The following NEDD1 variants were observed in gnomAD, a reference collection of about 807,000 sequenced individuals.
NEDD1 encodes NEDD1 gamma-tubulin ring complex targeting factor.
Under a neutral mutation model 74.0 loss-of-function variants are expected in NEDD1, and 33 were observed. That is an observed-to-expected ratio of 0.45 (90% CI 0.34 to 0.60). NEDD1 has a LOEUF of 0.60. Ranked by LOEUF, NEDD1 falls within the 20% of genes least tolerant of loss-of-function variation. The pLI is 0.01. For synonymous variants in NEDD1, 250 were observed against 264.4 expected, an observed-to-expected ratio of 0.95 and a Z score of 0.53; for missense variants, 746 against 776.5, an observed-to-expected ratio of 0.96 and a Z score of 0.47.
chr12:96,950,033 A>G (rs540222630), intron 14 of NEDD1, among the ~76,000 whole-genome samples: 100 of 152,180 alleles, frequency 6.6e-4, no homozygotes, highest in African/African-American at 1.9e-3. Flanking sequence ...TTATCACACA[A>G]TATCACAGAG....
chr12:96,937,058 G>A, intron 8 of NEDD1, 140 bp from the exon 9 acceptor site: 1 of 504,140 alleles, frequency 2.0e-6, no homozygotes, highest in Non-Finnish European at 3.3e-6. Context: ...TAATTTAGAG[G>A]GAAACTCAGG....
Position 96,907,314 on chromosome 12 carries a change from G to C in NEDD1, c.-262+14G>C. 5.8e-6 allele frequency: 2 copies of C among 344,616 alleles called. No individual in the cohort carries two copies. Among genetic ancestry groups the C allele is most frequent in the Non-Finnish European group, 1.0e-5 (2 of 192,902 alleles). The allele number at this position is 344,616 out of a possible 1,614,324, so 21.3% of individuals were successfully genotyped here. A position where few individuals can be genotyped will look rare whatever the true frequency, so the allele number is the denominator to read the frequency against. ...TGCTGCGGAGAGGTGAGGTTCCGGA[G>C]GCCCTGAGGTCAGCGGGCCCCCGCC... is the stretch of plus-strand genomic sequence containing the variant. On this transcript the variant is annotated intron_variant, in intron 1 of 15. Transcript: ENST00000266742.
rs1177185476 is a variant in NEDD1, at chr12:96,952,719, T to C, written c.*666T>C. 6.6e-6 allele frequency: 1 copy of C among 151,736 alleles called. No homozygotes were observed. The highest frequency in any genetic ancestry group is 1.5e-5 in the Non-Finnish European group (1 of 67,700). The allele number at this position is 151,736 out of a possible 1,614,324, so 9.4% of individuals were successfully genotyped here. A position where few individuals can be genotyped will look rare whatever the true frequency, so the allele number is the denominator to read the frequency against. On this transcript the variant is annotated 3_prime_UTR_variant, in exon 16 of 16. Transcript: ENST00000266742. ...GTGGTATTTTTAAGATATCTTTACC[T>C]ATAAAAAATGTTTAAGGTTCATAGG...
At chr12:96,933,284 C>G (rs1592905887) in intron 6 of NEDD1, among the ~76,000 whole-genome samples, 1 of 152,052 alleles carries the variant, frequency 6.6e-6, no homozygotes, top group African/African-American at 2.4e-5. Flanking sequence ...AAAAATTCTA[C>G]TTGTGTATTT....
rs900878304 is a variant in NEDD1 at position 96,945,583 on chromosome 12, A to T, written c.1655-110A>T. The stretch of plus-strand genomic sequence containing the variant: ...GAATTTTTCTAAATGTCACAGGAAC[A>T]CTCTTCTTTGCCAGTTTTTCAAGTT... On this transcript the variant is annotated intron_variant, in intron 13 of 15. Coordinates refer to ENST00000266742, the MANE Select transcript of NEDD1 (RefSeq NM_152905.4). The T allele has an allele frequency of 3.3e-4, 211 of 637,618 alleles. 1 individual carries two copies. The highest frequency in any genetic ancestry group is 2.6e-3 in the Middle Eastern group (7 of 2,652). 39.5% of individuals were successfully genotyped at this position (637,618 alleles called of 1,614,324 possible).
rs149524438 is a variant in NEDD1 at position 96,917,635 on chromosome 12, T to C, written c.246T>C (p.Cys82=). The C allele has an allele frequency of 3.1e-4, 472 of 1,512,822 alleles. 2 individuals are homozygous for C. In the African/African-American group the frequency reaches 5.9e-3, roughly 19 times the overall value. 93.7% of individuals were successfully genotyped at this position (1,512,822 alleles called of 1,614,324 possible). Residue 82 remains cysteine, a synonymous_variant, in exon 5 of 16, where the codon TGT becomes TGC. Coordinates refer to ENST00000266742, the MANE Select transcript of NEDD1 (RefSeq NM_152905.4). ...LELAEGQKQT[C]VNLNSTSMYL... is the part of the protein sequence containing the mutation. Reference sequence around the variant, plus strand: ...TTTTTAAATAGCAAAAGCAGACATGTGTCAATTTAAATTCTACATCTATGT... The same window carrying C: ...TTTTTAAATAGCAAAAGCAGACATGCGTCAATTTAAATTCTACATCTATGT...
At position 96,935,042 on chromosome 12, in the gene NEDD1, A is replaced by G; in HGVS notation, c.556A>G (p.Ile186Val). Residue 186 changes from isoleucine (I) to valine (V), a missense_variant, in exon 7 of 16, where the codon ATA (isoleucine) becomes GTA (valine). This residue lies in a region of NEDD1 where 706 missense variants were observed against 706.7 expected (regional missense o/e 1.00). Coordinates refer to ENST00000266742, the MANE Select transcript of NEDD1 (RefSeq NM_152905.4). Reference protein sequence around the residue: ...SLLGSVSDNGIVTLWDVNSQS... With the variant: ...SLLGSVSDNGVVTLWDVNSQS... The stretch of plus-strand genomic sequence containing the variant: ...ACTGGGCAGTGTTTCGGATAATGGA[A>G]TAGTAACTCTCTGGGATGTAAATAG... 1 of 1,612,582 alleles carries G rather than the reference A, an allele frequency of 6.2e-7. No homozygotes were observed. Among genetic ancestry groups the G allele is most frequent in the Non-Finnish European group, 8.5e-7 (1 of 1,178,580 alleles).
chr12:96,922,011 T>A (rs1390008261), intron 6 of NEDD1, among the ~76,000 whole-genome samples: 2 of 152,056 alleles, frequency 1.3e-5, no homozygotes, highest in Non-Finnish European at 2.9e-5. Flanking sequence ...TGAGAAAAGA[T>A]TGGAAAAGGG....
chr12:96,919,932 G>T, intron 5 of NEDD1, 53 bp from the exon 6 acceptor site: 1 of 1,254,432 alleles, frequency 8.0e-7, no homozygotes. Flanking sequence ...ACATGAAAAT[G>T]GGCTGTTCGA....
chr12:96,932,984 A>T (rs1045540129), intron 6 of NEDD1, among the ~76,000 whole-genome samples: 1 of 150,030 alleles, frequency 6.7e-6, no homozygotes, highest in African/African-American at 2.4e-5. Flanking sequence ...GGGAACATTT[A>T]TCATTATCTT....
In NEDD1 at chr12:96,951,321, A is replaced by C. The variant is rs149583688; in HGVS notation, c.1812-111A>C. On this transcript the variant is annotated intron_variant, in intron 14 of 15. Transcript: ENST00000266742. The stretch of plus-strand genomic sequence containing the variant: ...GCATTGGTATTTTTATTATTATAGT[A>C]ATTATTAACATTCAGTAATTTGGCA... 1,442 of 560,272 alleles carry C rather than the reference A, an allele frequency of 2.6e-3. 11 individuals are homozygous for C. Among genetic ancestry groups the C allele is most frequent in the Non-Finnish European group, 1.3e-3 (405 of 311,204 alleles). 34.7% of individuals were successfully genotyped at this position (560,272 alleles called of 1,614,324 possible).
At chr12:96,908,519 C>T (rs1455188955) in intron 2 of NEDD1, among the ~76,000 whole-genome samples, 4 of 152,144 alleles carry the variant, frequency 2.6e-5, no homozygotes, top group African/African-American at 9.7e-5. Flanking sequence ...CTACCTGTTG[C>T]TCTTTAAAGT....
At chr12:96,937,118 T>C (rs1462454013) in intron 8 of NEDD1, 80 bp from the exon 9 acceptor site, 1 of 784,892 alleles carries the variant, frequency 1.3e-6, no homozygotes, top group Non-Finnish European at 1.9e-6. Context: ...TTTTTTAATC[T>C]AACAGGGAAT....
At chr12:96,924,800 A>G (rs555936955) in intron 6 of NEDD1, 2 of 448,072 alleles carry the variant, frequency 4.5e-6, no homozygotes, top group African/African-American at 4.0e-5. Context: ...ATCTTTATAT[A>G]TGTTATTACT....
chr12:96,919,722 A>G (rs912005343), intron 5 of NEDD1, among the ~76,000 whole-genome samples: 1 of 152,176 alleles, frequency 6.6e-6, no homozygotes, highest in African/African-American at 2.4e-5. Context: ...TCAACTTGCA[A>G]TACCTGTTAT....
At chr12:96,934,453 C>A (rs1398514676) in intron 6 of NEDD1, among the ~76,000 whole-genome samples, 1 of 150,814 alleles carries the variant, frequency 6.6e-6, no homozygotes, top group African/African-American at 2.4e-5. Context: ...TGAATGACAC[C>A]GTGGTTGTCA....
intron 15 of NEDD1, 38 bp from the exon 16 acceptor site, chr12:96,951,911 A>G (rs1878743111): frequency 1.9e-6 from 2 of 1,079,614 alleles, no homozygotes; most frequent in Non-Finnish European, 1.4e-6. Flanking sequence ...TAAATGTGAA[A>G]TATCAATAAT....
chr12:96,932,681 A>G (rs1876676365), intron 6 of NEDD1, among the ~76,000 whole-genome samples: 1 of 151,070 alleles, frequency 6.6e-6, no homozygotes, highest in Admixed American at 6.6e-5. Context: ...GAGACATTTA[A>G]AGAATTCAAT....
chr12:96,936,003 C>A (rs1877049542), intron 7 of NEDD1, among the ~76,000 whole-genome samples: 1 of 152,116 alleles, frequency 6.6e-6, no homozygotes, highest in Non-Finnish European at 1.5e-5. Context: ...TTTTATGGAA[C>A]AATTTACTGA....
Sources: allele counts gnomAD v4.1 joint callset (sites outside exome capture counted in the v4.1 genomes callset), GRCh38; gene constraint gnomAD v4.1.1; regional missense constraint gnomAD v4.1.1; transcripts MANE v1.5; gene names NCBI Gene and HGNC (gene_info 2026-07-23, HGNC 2026-07-21).